EXD3: variants seen among roughly 807,000 people sequenced by gnomAD.
The protein encoded by EXD3 is exonuclease 3'-5' domain containing 3, also known as exonuclease mut-7 homolog.
In EXD3, 92 loss-of-function variants were observed where a neutral mutation model predicts 98.0. The observed-to-expected ratio is 0.94, with a 90% confidence interval of 0.79 to 1.12. EXD3 has a LOEUF of 1.12. Among genes scored for constraint, EXD3 ranks in the 50% most tolerant of loss-of-function variants. EXD3 has a pLI of 0.00. For missense variants in EXD3, 1,222 were observed against 1,191.6 expected, an observed-to-expected ratio of 1.03 and a Z score of -0.38; for synonymous variants, 569 against 526.0, an observed-to-expected ratio of 1.08 and a Z score of -1.12.
intron 8 of EXD3, among the ~76,000 whole-genome samples, chr9:137,355,580 AG>A: frequency 1.4e-5 from 1 of 71,370 alleles, no homozygotes; most frequent in African/African-American, 5.8e-5. Flanking sequence ...TGGAGGAAGG[AG>A]GAAGGAGAAA....
At position 137,407,529 on chromosome 9, in the gene EXD3, C is replaced by T. The variant is rs968970778; in HGVS notation, c.-47-12125G>A. 2.0e-5 allele frequency among the ~76,000 whole-genome samples: 3 copies of T among 152,334 alleles called. No individual in the cohort carries two copies. The highest frequency in any genetic ancestry group is 7.2e-5 in the African/African-American group (3 of 41,578). Reference sequence around the variant, plus strand: ...CCCACAACCCAGAACCCAGCGTCCCCGCCCCCATCTCCCGGGATCCCTTGG... The same window carrying T: ...CCCACAACCCAGAACCCAGCGTCCCTGCCCCCATCTCCCGGGATCCCTTGG... On this transcript the variant is annotated intron_variant, in intron 1 of 21. Transcript: ENST00000340951. The surrounding 1 kb of genome is among the most constrained non-coding windows in gnomAD (Gnocchi z 4.4).
chr9:137,395,218 A>C lies in EXD3; in HGVS notation c.55+85T>G. The C allele has an allele frequency of 4.0e-6, 5 of 1,245,506 alleles. No individual in the cohort carries two copies. Among genetic ancestry groups the C allele is most frequent in the Non-Finnish European group, 5.9e-6 (5 of 848,364 alleles). The allele number at this position is 1,245,506 out of a possible 1,614,324, so 77.2% of individuals were successfully genotyped here. On this transcript the variant is annotated intron_variant, in intron 2 of 21. Coordinates refer to ENST00000340951, the MANE Select transcript of EXD3 (RefSeq NM_017820.5). The surrounding 1 kb of genome is among the most constrained non-coding windows in gnomAD (Gnocchi z 6.5). ...GCCTGGCCCTCGTCACTGAGTACAC[A>C]GTGGGCGCCACCACCCCCCATGCAC...
chr9:137,413,872 G>C (rs1838113400), intron 1 of EXD3, among the ~76,000 whole-genome samples: 1 of 151,142 alleles, frequency 6.6e-6, no homozygotes, highest in East Asian at 1.9e-4. Context: ...TTCTATTTTG[G>C]GCATTTCCTA....
intron 6 of EXD3, among the ~76,000 whole-genome samples, chr9:137,366,839 T>C (rs1448877563): frequency 6.6e-6 from 1 of 152,104 alleles, no homozygotes; most frequent in Non-Finnish European, 1.5e-5. Context: ...CCCATCTCCA[T>C]GATGAAGGCC....
chr9:137,348,507 AG>A (rs202195944), intron 16 of EXD3, among the ~76,000 whole-genome samples: 28 of 53,676 alleles, frequency 5.2e-4, no homozygotes, highest in Admixed American at 1.6e-3. Context: ...GATCACGGGG[AG>A]GGGGCTAGAT....
chr9:137,362,478 C>T (rs1175437898), intron 7 of EXD3, among the ~76,000 whole-genome samples: 4 of 151,126 alleles, frequency 2.6e-5, no homozygotes, highest in African/African-American at 9.8e-5. Context: ...AAATTCTAAA[C>T]AAACTAAGCA....
chr9:137,406,229 G>C (rs1489389768), intron 1 of EXD3, among the ~76,000 whole-genome samples: 5 of 90,046 alleles, frequency 5.6e-5, no homozygotes, highest in Non-Finnish European at 9.8e-5. Context: ...AAAAGAAAAA[G>C]AAAAGAAAGA....
In EXD3 at chr9:137,407,182, G is replaced by C. The variant is rs915401124; in HGVS notation, c.-47-11778C>G. Reference sequence around the variant, plus strand: ...CTGGGCCCCTCTGCTGGTGGAACCCGGCAGCGCCTCCTCCGTCTCAGCCGC... The same window carrying C: ...CTGGGCCCCTCTGCTGGTGGAACCCCGCAGCGCCTCCTCCGTCTCAGCCGC... On this transcript the variant is annotated intron_variant, in intron 1 of 21. Coordinates refer to ENST00000340951, the MANE Select transcript of EXD3 (RefSeq NM_017820.5). This position sits in a 1 kb window ranked among gnomAD's most constrained non-coding sequence, Gnocchi z 4.4. 1.3e-5 allele frequency among the ~76,000 whole-genome samples: 2 copies of C among 152,138 alleles called. No homozygotes were observed. Among genetic ancestry groups the C allele is most frequent in the African/African-American group, 4.8e-5 (2 of 41,430 alleles).
chr9:137,315,113 C>G (rs1238325333), intron 19 of EXD3, among the ~76,000 whole-genome samples: 1 of 152,206 alleles, frequency 6.6e-6, no homozygotes, highest in Non-Finnish European at 1.5e-5. Context: ...CAGGCTGCCC[C>G]CAAGGCTTGC....
intron 3 of EXD3, among the ~76,000 whole-genome samples, chr9:137,380,953 G>C (rs1321637588): frequency 7.0e-6 from 1 of 143,002 alleles, no homozygotes. Context: ...TACAAAAATA[G>C]CCAGGCGTGG....
Position 137,349,178 on chromosome 9 carries a change from T to C in EXD3, c.1762A>G (p.Arg588Gly). ...DLAGSRRPRH[R>G]ERPGARKPPG... is the part of the protein sequence containing the mutation. ...GGCTTCCGTGCCCCTGGTCTCTCTC[T>C]GTGCCTGGGCCTCCGGCTCCCAGCC... The change falls in exon 16 of 22, where the codon AGA (arginine) becomes GGA (glycine). Residue 588 changes from arginine (R) to glycine (G), a missense_variant. Coordinates refer to ENST00000340951, the MANE Select transcript of EXD3 (RefSeq NM_017820.5). This position sits in a 1 kb window ranked among gnomAD's most constrained non-coding sequence, Gnocchi z 7.4. 1 of 1,592,760 alleles carries C rather than the reference T, an allele frequency of 6.3e-7. No homozygotes were observed. The highest frequency in any genetic ancestry group is 8.5e-7 in the Non-Finnish European group (1 of 1,175,206).
chr9:137,392,812 G>C (rs1011804335), intron 2 of EXD3: 1 of 361,382 alleles, frequency 2.8e-6, no homozygotes, highest in Non-Finnish European at 5.3e-6. Context: ...TCTGTGGGGG[G>C]GCGCCGTGTC....
In EXD3 at chr9:137,316,975, C is replaced by T. The variant is rs563000928; in HGVS notation, c.2184+6750G>A. 3.3e-5 allele frequency among the ~76,000 whole-genome samples: 5 copies of T among 152,270 alleles called. No individual in the cohort carries two copies. The South Asian group carries it at 1.0e-3, about 32-fold the overall frequency. On this transcript the variant is annotated intron_variant, in intron 19 of 21. Transcript: ENST00000340951. ...GGGGAGCTGGGCAGGGACCTCTTCT[C>T]CTCTCCCCACTTCAGCAAACCCATG... is the stretch of plus-strand genomic sequence containing the variant.
intron 9 of EXD3, 125 bp from the exon 10 acceptor site, chr9:137,354,502 C>T: frequency 1.3e-6 from 2 of 1,549,212 alleles, no homozygotes; most frequent in Non-Finnish European, 1.7e-6. Context: ...CTCACCCGCC[C>T]TGGTGCCACA....
intron 19 of EXD3, among the ~76,000 whole-genome samples, chr9:137,321,856 C>T (rs759733036): frequency 7.2e-5 from 11 of 152,286 alleles, no homozygotes; most frequent in African/African-American, 2.6e-4. Context: ...GCTCCCGTGT[C>T]GCCCACGGAG....
At chr9:137,419,868 A>C (rs1434127670) in intron 1 of EXD3, among the ~76,000 whole-genome samples, 1 of 151,126 alleles carries the variant, frequency 6.6e-6, no homozygotes, top group African/African-American at 2.4e-5. Flanking sequence ...AACATCATAC[A>C]GAAAAAAGCG....
intron 3 of EXD3, chr9:137,374,928 C>A (rs1015100108): frequency 4.0e-5 from 35 of 864,652 alleles, no homozygotes; most frequent in African/African-American, 1.8e-5. Flanking sequence ...AGTTCTAACT[C>A]TAGTGAGTTC....
intron 3 of EXD3, among the ~76,000 whole-genome samples, chr9:137,378,602 G>A (rs1359885406): frequency 6.6e-6 from 1 of 152,232 alleles, no homozygotes; most frequent in Non-Finnish European, 1.5e-5. Flanking sequence ...GGTGGAGATG[G>A]CGCAGATGAC....
rs116575298 is a variant in EXD3 at position 137,381,745 on chromosome 9, G to A, written c.120+1568C>T. Reference sequence around the variant, plus strand: ...TCTCCCTCCTCTGGGGGCACCCGGCGTCTGTGCCACCATATGGGGGTCCCC... The same window carrying A: ...TCTCCCTCCTCTGGGGGCACCCGGCATCTGTGCCACCATATGGGGGTCCCC... On this transcript the variant is annotated intron_variant, in intron 3 of 21. Coordinates refer to ENST00000340951, the MANE Select transcript of EXD3 (RefSeq NM_017820.5). Among the ~76,000 whole-genome samples, 1,418 of 152,304 alleles carry A rather than the reference G, an allele frequency of 9.3e-3. 9 individuals are homozygous for A. The highest frequency in any genetic ancestry group is 0.031 in the African/African-American group (1,272 of 41,558).
Sources: allele counts gnomAD v4.1 joint callset (sites outside exome capture counted in the v4.1 genomes callset), GRCh38; gene constraint gnomAD v4.1.1; non-coding constraint Gnocchi (gnomAD v3.1); transcripts MANE v1.5; gene names NCBI Gene and HGNC (gene_info 2026-07-23, HGNC 2026-07-21).